The following PTPRJ variants were observed in gnomAD, a reference collection of about 807,000 sequenced individuals.
PTPRJ encodes protein tyrosine phosphatase receptor type J.
PTPRJ carries 129 observed loss-of-function variants against 141.3 expected under a neutral mutation model. That is an observed-to-expected ratio of 0.91 (90% CI 0.79 to 1.06). The LOEUF is 1.06. Ranked by LOEUF, PTPRJ falls within the 50% of genes least tolerant of loss-of-function variation. The pLI is 0.00. For missense variants in PTPRJ, 1,601 were observed against 1,679.7 expected (o/e 0.95, Z 0.82); for synonymous variants, 610 against 640.5 (o/e 0.95, Z 0.72).
chr11:47,992,815 G>A (rs969314128), intron 1 of PTPRJ, among the ~76,000 whole-genome samples: 1 of 152,122 alleles, frequency 6.6e-6, no homozygotes, highest in African/African-American at 2.4e-5. Context: ...TTGCTGGTGA[G>A]TATTGTCCAT....
At chr11:48,076,253 C>T (rs1421576472) in intron 1 of PTPRJ, among the ~76,000 whole-genome samples, 1 of 152,220 alleles carries the variant, frequency 6.6e-6, no homozygotes, top group Non-Finnish European at 1.5e-5. Context: ...AGTAGCTTCT[C>T]TCCAAGCATT....
At chr11:48,089,748 G>A (rs1216307929) in intron 1 of PTPRJ, among the ~76,000 whole-genome samples, 4 of 152,166 alleles carry the variant, frequency 2.6e-5, no homozygotes, top group Non-Finnish European at 5.9e-5. Context: ...AAGGTGCTTG[G>A]CACCTGGAGC....
At chr11:48,103,810 C>T (rs1014952347) in intron 1 of PTPRJ, among the ~76,000 whole-genome samples, 3 of 152,206 alleles carry the variant, frequency 2.0e-5, no homozygotes, top group East Asian at 1.9e-4. Flanking sequence ...AGTTCACCCT[C>T]GGCTGTGCGT....
At chr11:48,132,366 A>G (rs1055232410) in intron 8 of PTPRJ, 169 of 977,294 alleles carry the variant, frequency 1.7e-4, no homozygotes, top group Non-Finnish European at 2.0e-4. Context: ...CCCTGTCTCA[A>G]AAAAAAATTT....
intron 19 of PTPRJ, among the ~76,000 whole-genome samples, chr11:48,154,443 C>T (rs989594642): frequency 3.9e-5 from 6 of 152,188 alleles, no homozygotes; most frequent in Admixed American, 2.6e-4. Flanking sequence ...AACAGGATTA[C>T]AGCAAATTGA....
chr11:48,101,759 G>A (rs535061309), intron 1 of PTPRJ, among the ~76,000 whole-genome samples: 1 of 152,330 alleles, frequency 6.6e-6, no homozygotes, highest in Admixed American at 6.5e-5. Flanking sequence ...TAAGGTGGAC[G>A]AGCGGCGCAG....
At chr11:48,070,838 T>TTATTTA (rs1442608169) in intron 1 of PTPRJ, among the ~76,000 whole-genome samples, 3 of 152,242 alleles carry the variant, frequency 2.0e-5, no homozygotes, top group Non-Finnish European at 4.4e-5. Flanking sequence ...GTATACTTCA[T>TTATTTA]TATTTATCTT....
chr11:48,138,815 A>C (rs1413080184), intron 10 of PTPRJ, among the ~76,000 whole-genome samples: 1 of 152,156 alleles, frequency 6.6e-6, no homozygotes, highest in African/African-American at 2.4e-5. Flanking sequence ...GGGACAGTAT[A>C]GGCCTCACCT....
intron 1 of PTPRJ, among the ~76,000 whole-genome samples, chr11:48,088,742 G>A (rs1855779897): frequency 6.6e-6 from 1 of 152,088 alleles, no homozygotes; most frequent in South Asian, 2.1e-4. Flanking sequence ...ATGTTCTGCA[G>A]GACGGATGAA....
intron 15 of PTPRJ, 130 bp downstream of exon 15, chr11:48,147,093 C>T: frequency 1.2e-6 from 1 of 815,792 alleles, no homozygotes; most frequent in Non-Finnish European, 2.1e-6. Flanking sequence ...CCATAGTGTT[C>T]TGCATTTGGC....
At chr11:48,072,468 C>T (rs1565288714) in intron 1 of PTPRJ, among the ~76,000 whole-genome samples, 1 of 152,160 alleles carries the variant, frequency 6.6e-6, no homozygotes, top group African/African-American at 2.4e-5. Flanking sequence ...TAAATTTCAA[C>T]ATGAGTTTTG....
intron 1 of PTPRJ, among the ~76,000 whole-genome samples, chr11:48,091,330 A>G (rs910542600): frequency 6.6e-6 from 1 of 152,206 alleles, no homozygotes; most frequent in Non-Finnish European, 1.5e-5. Context: ...GGCCTAGGGG[A>G]AGAGCTCAGT....
chr11:48,014,221 C>CTTCTGTGTCT (rs1854892031), intron 1 of PTPRJ, among the ~76,000 whole-genome samples: 1 of 152,132 alleles, frequency 6.6e-6, no homozygotes, highest in Non-Finnish European at 1.5e-5. Flanking sequence ...TGGGTCTATC[C>CTTCTGTGTCT]TTCCTTCTGT....
intron 11 of PTPRJ, among the ~76,000 whole-genome samples, chr11:48,142,254 T>C (rs893783745): frequency 5.9e-5 from 9 of 152,250 alleles, no homozygotes; most frequent in Non-Finnish European, 1.2e-4. Flanking sequence ...TAGCTTTGAA[T>C]AAATATATCT....
At chr11:48,089,440 C>T (rs1330986008) in intron 1 of PTPRJ, among the ~76,000 whole-genome samples, 1 of 149,678 alleles carries the variant, frequency 6.7e-6, no homozygotes, top group Non-Finnish European at 1.5e-5. Flanking sequence ...TGCTTGAACC[C>T]GGGAGGCAGA....
chr11:48,159,098 GT>G lies in PTPRJ; in HGVS notation c.3439-831del, dbSNP rs1565333171. 1.7e-3 allele frequency among the ~76,000 whole-genome samples: 213 copies of G among 128,058 alleles called. 8 individuals are homozygous for G. The highest frequency in any genetic ancestry group is 5.7e-3 in the African/African-American group (180 of 31,778). The allele number at this position is 128,058 out of a possible 152,430, so 84.0% of individuals were successfully genotyped here. On this transcript the variant is annotated intron_variant, in intron 21 of 24. Transcript: ENST00000418331. ...GTGTGTGCGTGTGTGTGTATGTGGG[GT>G]GTGTGTGTGTGTGTGTATGTGGGGT...
intron 1 of PTPRJ, among the ~76,000 whole-genome samples, chr11:47,991,775 A>G (rs1236078800): frequency 1.3e-5 from 2 of 152,060 alleles, no homozygotes; most frequent in Non-Finnish European, 2.9e-5. Context: ...CTATCCTTCT[A>G]ATGCTTGGAG....
chr11:48,071,326 T>C (rs1415481758), intron 1 of PTPRJ, among the ~76,000 whole-genome samples: 2 of 152,182 alleles, frequency 1.3e-5, no homozygotes, highest in African/African-American at 4.8e-5. Flanking sequence ...TGAGTAATTT[T>C]TTTTTTTTGA....
chr11:48,163,804 A>T (rs1857844600), intron 23 of PTPRJ, among the ~76,000 whole-genome samples, 186 bp downstream of exon 23: 1 of 152,164 alleles, frequency 6.6e-6, no homozygotes, highest in Non-Finnish European at 1.5e-5. Context: ...GCAAACTGTA[A>T]CCCATGGATC....
Sources: gnomAD v4.1 joint callset for allele counts (sites outside exome capture counted in the v4.1 genomes callset) on GRCh38, gnomAD v4.1.1 for gene constraint, MANE v1.5 for transcripts, NCBI Gene and HGNC (gene_info 2026-07-23, HGNC 2026-07-21) for gene names.